Variants in CSTPP1 observed in about 807,000 individuals in gnomAD.
CSTPP1 encodes the protein UPF0705 protein C11orf49.
chr11:47,014,349 GAGAA>G, the CSTPP1 span, among the ~76,000 whole-genome samples: 43 of 145,478 alleles, frequency 3.0e-4, no homozygotes, highest in African/African-American at 9.7e-4. Context: ...AGAAAAGAAA[GAGAA>G]AGGAAGGAAG....
chr11:47,115,901 T>A, the CSTPP1 span, among the ~76,000 whole-genome samples: 2 of 152,206 alleles, frequency 1.3e-5, no homozygotes. Flanking sequence ...TTCTTTTAAT[T>A]GTGATGTTAG....
the CSTPP1 span, chr11:47,130,640 T>TTCCCTTCCCCCACACTGTCCCTCAC: frequency 6.7e-6 from 1 of 148,184 alleles, no homozygotes; most frequent in African/African-American, 2.5e-5. Flanking sequence ...TGCCTCCTTC[T>TTCCCTTCCCCCACACTGTCCCTCAC]TCCCTTCCCC....
chr11:46,969,918 C>T, the CSTPP1 span, among the ~76,000 whole-genome samples: 2 of 152,090 alleles, frequency 1.3e-5, no homozygotes, highest in African/African-American at 2.4e-5. Context: ...GTGCACTTCA[C>T]CACACCCGAC....
chr11:46,991,675 T>A, the CSTPP1 span: 3 of 152,354 alleles, frequency 2.0e-5, no homozygotes, highest in African/African-American at 7.2e-5. Flanking sequence ...CTTTTTTCAT[T>A]TTACTCCCCT....
At chr11:46,993,997 C>T in the CSTPP1 span, among the ~76,000 whole-genome samples, 2 of 152,116 alleles carry the variant, frequency 1.3e-5, no homozygotes, top group African/African-American at 2.4e-5. Context: ...CTTCACATCC[C>T]TTGTAAGTTG....
At chr11:47,151,775 C>A in the CSTPP1 span, among the ~76,000 whole-genome samples, 2 of 151,744 alleles carry the variant, frequency 1.3e-5, no homozygotes, top group Non-Finnish European at 2.9e-5. Context: ...TGGGATCCAG[C>A]CACATGTCCC....
At chr11:46,944,317 CAAAA>C in the CSTPP1 span, among the ~76,000 whole-genome samples, 1 of 77,462 alleles carries the variant, frequency 1.3e-5, no homozygotes, top group Non-Finnish European at 3.2e-5. Context: ...GACTGCTTCT[CAAAA>C]AAAAAAAAAA....
At chr11:47,052,539 TTTCCTTCC>T in the CSTPP1 span, 355 of 1,608,068 alleles carry the variant, frequency 2.2e-4, 3 homozygotes, top group South Asian at 3.7e-3. Context: ...CCAAATTCTT[TTTCCTTCC>T]TTCCTTCCTT....
At chr11:47,099,947 C>A in the CSTPP1 span, among the ~76,000 whole-genome samples, 2 of 152,164 alleles carry the variant, frequency 1.3e-5, no homozygotes, top group South Asian at 4.1e-4. Context: ...ATAGGACTCT[C>A]TTTCTCTCCT....
the CSTPP1 span, among the ~76,000 whole-genome samples, chr11:47,078,290 C>T: frequency 2.0e-5 from 3 of 152,112 alleles, no homozygotes. Context: ...TCCAAGAGAA[C>T]CATTTTAGTT....
the CSTPP1 span, among the ~76,000 whole-genome samples, chr11:47,145,138 C>T: frequency 1.3e-5 from 2 of 152,032 alleles, no homozygotes; most frequent in Non-Finnish European, 2.9e-5. Flanking sequence ...CAGGCACGCA[C>T]CACCATGCCT....
chr11:47,020,610 T>G, the CSTPP1 span, among the ~76,000 whole-genome samples: 1 of 152,200 alleles, frequency 6.6e-6, no homozygotes, highest in East Asian at 1.9e-4. Context: ...GAAAACTATC[T>G]TTCCAATATT....
chr11:47,119,317 A>G, the CSTPP1 span, among the ~76,000 whole-genome samples: 1 of 152,354 alleles, frequency 6.6e-6, no homozygotes, highest in East Asian at 1.9e-4. Context: ...TGGGAAAAGC[A>G]CAGTATTTGG....
At chr11:47,063,478 T>A in the CSTPP1 span, among the ~76,000 whole-genome samples, 2 of 152,144 alleles carry the variant, frequency 1.3e-5, no homozygotes, top group Non-Finnish European at 2.9e-5. Context: ...AAACAATGAC[T>A]CCCATTTCTC....
chr11:47,044,114 G>A, the CSTPP1 span, among the ~76,000 whole-genome samples: 1 of 152,008 alleles, frequency 6.6e-6, no homozygotes, highest in African/African-American at 2.4e-5. Context: ...AGCCTCCCAA[G>A]TAGCTGGGAT....
At chr11:47,134,048 A>T in the CSTPP1 span, among the ~76,000 whole-genome samples, 57 of 151,534 alleles carry the variant, frequency 3.8e-4, 3 homozygotes, top group African/African-American at 1.3e-3. Flanking sequence ...CCTCTCCCCT[A>T]CCCTGGACCC....
chr11:47,115,898 A>G, the CSTPP1 span, among the ~76,000 whole-genome samples: 1 of 151,802 alleles, frequency 6.6e-6, no homozygotes, highest in Non-Finnish European at 1.5e-5. Flanking sequence ...TAGTTCTTTT[A>G]ATTGTGATGT....
chr11:47,058,322 T>C, the CSTPP1 span, among the ~76,000 whole-genome samples: 1 of 152,096 alleles, frequency 6.6e-6, no homozygotes, highest in African/African-American at 2.4e-5. Flanking sequence ...AGTAAGACCC[T>C]GTCTCAAAAA....
chr11:47,162,195 C>CTAA, the CSTPP1 span: 1 of 985,518 alleles, frequency 1.0e-6, no homozygotes, highest in South Asian at 4.7e-5. Context: ...CCCTTTGTGT[C>CTAA]TAATAGCTAA....
Sources: gnomAD v4.1 joint callset for allele counts (sites outside exome capture counted in the v4.1 genomes callset) on GRCh38, gnomAD v4.1.1 for gene constraint, MANE v1.5 for transcripts, NCBI Gene and HGNC (gene_info 2026-07-23, HGNC 2026-07-21) for gene names.